SEMA3E: variants seen among roughly 807,000 people sequenced by gnomAD.
The protein encoded by SEMA3E is semaphorin-3E.
In SEMA3E, 49 loss-of-function variants were observed where a neutral mutation model predicts 93.6. That is an observed-to-expected ratio of 0.52 (90% CI 0.42 to 0.66). The LOEUF (loss-of-function observed/expected upper bound fraction) is 0.66, where lower values mean the gene tolerates loss of function less well. SEMA3E is among the 30% of genes least tolerant of loss of function. SEMA3E has a pLI of 0.00. For synonymous variants in SEMA3E, 363 were observed against 330.7 expected (o/e 1.10, Z -1.06); for missense variants, 906 against 964.8 (o/e 0.94, Z 0.81).
At chr7:83,531,363 C>T (rs113956405) in intron 1 of SEMA3E, among the ~76,000 whole-genome samples, 45,130 of 72,044 alleles carry the variant, frequency 0.63, 14,279 homozygotes, top group South Asian at 0.72. Flanking sequence ...TTTTTTTTTT[C>T]CGAGATGGAG....
chr7:83,460,465 A>G (rs1471854041), intron 4 of SEMA3E, among the ~76,000 whole-genome samples: 4 of 151,930 alleles, frequency 2.6e-5, no homozygotes, highest in African/African-American at 4.8e-5. Context: ...TTGGTGTTTA[A>G]TCATTGCAGG....
chr7:83,562,935 A>G (rs1360668704), intron 1 of SEMA3E, among the ~76,000 whole-genome samples: 1 of 152,192 alleles, frequency 6.6e-6, no homozygotes, highest in East Asian at 1.9e-4. Context: ...GTTGCCTTCA[A>G]GGATGTTGTT....
At chr7:83,467,057 C>CTTTTTTTTTTTTTTTTTTTTTTTTTTTT (rs59059670) in intron 3 of SEMA3E, among the ~76,000 whole-genome samples, 1 of 117,168 alleles carries the variant, frequency 8.5e-6, no homozygotes, top group Non-Finnish European at 1.7e-5. Flanking sequence ...AATATGCAGT[C>CTTTTTTTTTTTTTTTTTTTTTTTTTTTT]TTTTTTTTTT....
chr7:83,532,151 T>C (rs933439271), intron 1 of SEMA3E, among the ~76,000 whole-genome samples: 5 of 152,194 alleles, frequency 3.3e-5, no homozygotes, highest in African/African-American at 4.8e-5. Flanking sequence ...GATTTTAAGG[T>C]TTCTTCATTT....
chr7:83,399,798 C>T (rs746439654), intron 11 of SEMA3E, among the ~76,000 whole-genome samples: 1 of 152,072 alleles, frequency 6.6e-6, no homozygotes, highest in East Asian at 1.9e-4. Context: ...GTTGGTCAAA[C>T]CATGACACTT....
intron 5 of SEMA3E, among the ~76,000 whole-genome samples, chr7:83,415,490 C>T (rs1373390116): frequency 6.6e-6 from 1 of 152,054 alleles, no homozygotes; most frequent in East Asian, 1.9e-4. Context: ...CTCCTTAAAT[C>T]CTTTGTCGCA....
At chr7:83,623,424 A>G (rs180675995) in intron 1 of SEMA3E, among the ~76,000 whole-genome samples, 9 of 152,282 alleles carry the variant, frequency 5.9e-5, no homozygotes, top group African/African-American at 1.7e-4. Flanking sequence ...TTATAAAAAT[A>G]ACCTGTGTGT....
At chr7:83,396,543 T>C in intron 12 of SEMA3E, 95 bp downstream of exon 12, 1 of 738,998 alleles carries the variant, frequency 1.4e-6, no homozygotes, top group Non-Finnish European at 2.4e-6. Context: ...AACATACCTG[T>C]TAGGGAAAAA....
intron 2 of SEMA3E, among the ~76,000 whole-genome samples, chr7:83,483,423 TATC>T (rs983964447): frequency 7.4e-4 from 112 of 152,284 alleles, no homozygotes; most frequent in African/African-American, 2.6e-3. Context: ...ACCATTTTAA[TATC>T]ATAATAGCTG....
intron 4 of SEMA3E, among the ~76,000 whole-genome samples, chr7:83,435,895 A>G (rs1788994538): frequency 6.6e-6 from 1 of 152,038 alleles, no homozygotes; most frequent in African/African-American, 2.4e-5. Context: ...CTTTCCCTCT[A>G]TATATGTAAC....
intron 1 of SEMA3E, among the ~76,000 whole-genome samples, chr7:83,559,567 T>C (rs1413139507): frequency 1.3e-5 from 2 of 151,848 alleles, no homozygotes; most frequent in South Asian, 2.1e-4. Flanking sequence ...GTACTGACAA[T>C]ATCAAATGCT....
At chr7:83,577,788 C>A (rs1792437501) in intron 1 of SEMA3E, among the ~76,000 whole-genome samples, 1 of 151,864 alleles carries the variant, frequency 6.6e-6, no homozygotes, top group Non-Finnish European at 1.5e-5. Context: ...ATTACAAAGT[C>A]ATAGGAATAT....
At chr7:83,524,736 T>C (rs35935792) in intron 1 of SEMA3E, among the ~76,000 whole-genome samples, 80,046 of 151,814 alleles carry the variant, frequency 0.53, 23,453 homozygotes, top group Middle Eastern at 0.69. Flanking sequence ...CTTAGTTTTC[T>C]AAGTTTAAAT....
intron 1 of SEMA3E, among the ~76,000 whole-genome samples, chr7:83,528,068 A>G (rs1310964246): frequency 6.6e-6 from 1 of 152,088 alleles, no homozygotes; most frequent in African/African-American, 2.4e-5. Flanking sequence ...ATATTCTTAC[A>G]TATAATTTTT....
intron 2 of SEMA3E, among the ~76,000 whole-genome samples, chr7:83,484,665 C>T (rs554944314): frequency 1.3e-5 from 2 of 152,254 alleles, no homozygotes; most frequent in South Asian, 2.1e-4. Flanking sequence ...CCTCACCAAC[C>T]TCTACTGTCT....
At chr7:83,530,859 C>A (rs1157855957) in intron 1 of SEMA3E, among the ~76,000 whole-genome samples, 3 of 140,334 alleles carry the variant, frequency 2.1e-5, no homozygotes, top group African/African-American at 7.5e-5. Context: ...GCCTGGGCAA[C>A]AAAAGTGAAA....
In SEMA3E at chr7:83,467,904, AT is replaced by A. The variant is rs747855656; in HGVS notation, c.337-1304del. On this transcript the variant is annotated intron_variant, in intron 3 of 16. Coordinates refer to ENST00000643230, the MANE Select transcript of SEMA3E (RefSeq NM_012431.3). ...TGATCAGTATACTGAATTTAAAAAA[AT>A]AGTTTACAATAGCTTTCAAAATCAA... Among the ~76,000 whole-genome samples the A allele has an allele frequency of 1.7e-4, 5 of 29,066 alleles. No homozygotes were observed. In the East Asian group the frequency reaches 6.0e-3, roughly 35 times the overall value. 19.1% of individuals were successfully genotyped at this position (29,066 alleles called of 152,430 possible). A position where few individuals can be genotyped will look rare whatever the true frequency, so the allele number is the denominator to read the frequency against.
intron 4 of SEMA3E, among the ~76,000 whole-genome samples, chr7:83,420,525 A>C (rs1419363297): frequency 6.6e-6 from 1 of 152,134 alleles, no homozygotes; most frequent in Non-Finnish European, 1.5e-5. Flanking sequence ...AACAACAACA[A>C]CAAAAACAAA....
At chr7:83,578,050 A>C (rs1472136373) in intron 1 of SEMA3E, among the ~76,000 whole-genome samples, 1 of 152,092 alleles carries the variant, frequency 6.6e-6, no homozygotes, top group African/African-American at 2.4e-5. Flanking sequence ...TATTGTTAGC[A>C]TATGTAAGAA....
Sources: gnomAD v4.1 joint callset for allele counts (sites outside exome capture counted in the v4.1 genomes callset) on GRCh38, gnomAD v4.1.1 for gene constraint, MANE v1.5 for transcripts, NCBI Gene and HGNC (gene_info 2026-07-23, HGNC 2026-07-21) for gene names.